The following PHF6 variants were observed in gnomAD, a reference collection of about 807,000 sequenced individuals.
PHF6 encodes PHD-like zinc finger protein.
Under a neutral mutation model 34.0 loss-of-function variants are expected in PHF6, and 7 were observed. That is an observed-to-expected ratio of 0.21 (90% CI 0.12 to 0.39). The LOEUF is 0.39. PHF6 is among the 10% of genes least tolerant of loss of function. The probability of loss-of-function intolerance (pLI) is 1.00; values close to 1 mark genes in which losing one functional copy is unlikely to be tolerated. For missense variants in PHF6, 128 were observed against 262.8 expected (o/e 0.49, Z 3.55); for synonymous variants, 89 against 88.4 (o/e 1.01, Z -0.04).
intron 3 of PHF6, among the ~76,000 whole-genome samples, 157 bp from the exon 4 acceptor site, chrX:134,393,344 G>A (rs1200923056): frequency 4.5e-5 from 5 of 111,955 alleles, no homozygotes; most frequent in Middle Eastern, 4.6e-3. Context: ...ATTTTATTCC[G>A]GTTATTCTAA....
At chrX:134,399,686 G>GACACACACAC (rs749494093) in intron 5 of PHF6, among the ~76,000 whole-genome samples, 13 of 95,532 alleles carry the variant, frequency 1.4e-4, no homozygotes, top group African/African-American at 4.9e-4. Context: ...CACACACACA[G>GACACACACAC]ACACACACAC....
chrX:134,380,959 GCCTC>G (rs1388773784), intron 3 of PHF6, among the ~76,000 whole-genome samples: 1 of 111,636 alleles, frequency 9.0e-6, no homozygotes, highest in East Asian at 2.8e-4. Context: ...CAATTCTCCT[GCCTC>G]AGCCTCCCGA....
intron 9 of PHF6, chrX:134,418,376 C>T (rs1296333295): frequency 8.9e-6 from 1 of 111,865 alleles, no homozygotes; most frequent in African/African-American, 3.3e-5. Context: ...CTGCCTTGTG[C>T]TAGGTGGTGT....
At chrX:134,404,239 C>T (rs187620517) in intron 5 of PHF6, among the ~76,000 whole-genome samples, 3 of 112,083 alleles carry the variant, frequency 2.7e-5, no homozygotes, top group East Asian at 2.8e-4. Context: ...TCGATGTTAA[C>T]GGGAATTTGG....
intron 3 of PHF6, among the ~76,000 whole-genome samples, chrX:134,385,748 C>G (rs1377949859): frequency 1.8e-5 from 2 of 110,940 alleles, no homozygotes; most frequent in Non-Finnish European, 3.8e-5. Flanking sequence ...ATTTTTTTTC[C>G]AGAGAGTAGA....
At chrX:134,378,202 T>A in intron 3 of PHF6, 96 bp downstream of exon 3, 1 of 522,356 alleles carries the variant, frequency 1.9e-6, no homozygotes, top group Non-Finnish European at 3.1e-6. Flanking sequence ...ATTAACTGAG[T>A]ATAATTTTAA....
chrX:134,403,462 G>T (rs2077411049), intron 5 of PHF6, among the ~76,000 whole-genome samples: 1 of 112,102 alleles, frequency 8.9e-6, no homozygotes, highest in Non-Finnish European at 1.9e-5. Context: ...AGCAGAGGTT[G>T]GTTCATTAGA....
rs748326153 is a variant in PHF6 at position 134,427,649 on chromosome X, C to G, written c.*1989C>G. The stretch of plus-strand genomic sequence containing the variant: ...TCTTCAGCCCTTTTTCTGCCACTAG[C>G]AACCAGAATAGCACTTTACCTTTTG... On this transcript the variant is annotated 3_prime_UTR_variant, in exon 11 of 11. Transcript: ENST00000370803. The G allele has an allele frequency of 1.2e-5, 2 of 161,102 alleles. No homozygotes were observed. Among genetic ancestry groups the G allele is most frequent in the South Asian group, 6.5e-4 (2 of 3,075 alleles). 13.3% of individuals were successfully genotyped at this position (161,102 alleles called of 1,213,427 possible).
At chrX:134,390,966 C>CT (rs60513999) in intron 3 of PHF6, among the ~76,000 whole-genome samples, 11,611 of 92,675 alleles carry the variant, frequency 0.13, 889 homozygotes, top group East Asian at 0.39. Context: ...TTCTTTTTTT[C>CT]TTTTTTTTTT....
chrX:134,409,327 G>A (rs770858701), intron 5 of PHF6, among the ~76,000 whole-genome samples: 2 of 111,393 alleles, frequency 1.8e-5, no homozygotes, highest in African/African-American at 6.5e-5. Flanking sequence ...TCATGTGCAC[G>A]TGGGTCTGTT....
chrX:134,390,545 A>G (rs1038387411), intron 3 of PHF6, among the ~76,000 whole-genome samples: 1 of 112,343 alleles, frequency 8.9e-6, no homozygotes, highest in Admixed American at 9.5e-5. Context: ...GCCAAAAACT[A>G]TTTTGGTATA....
At chrX:134,416,575 G>C (rs762103076) in intron 8 of PHF6, among the ~76,000 whole-genome samples, 1 of 111,540 alleles carries the variant, frequency 9.0e-6, no homozygotes, top group East Asian at 2.8e-4. Flanking sequence ...TGGAGAAAAG[G>C]CTGTGAGAAG....
intron 9 of PHF6, chrX:134,417,650 A>G (rs1425608329): frequency 3.8e-5 from 6 of 157,143 alleles, no homozygotes; most frequent in Non-Finnish European, 7.3e-5. Flanking sequence ...ACCTGAGGTC[A>G]GAAGTTCGAG....
At position 134,428,692 on chromosome X, in the gene PHF6, T is replaced by C. The variant is rs778709537; in HGVS notation, c.*3032T>C. 6 of 142,076 alleles carry C rather than the reference T, an allele frequency of 4.2e-5. No homozygotes were observed. The highest frequency in any genetic ancestry group is 8.5e-5 in the Non-Finnish European group (6 of 70,766). The allele number at this position is 142,076 out of a possible 1,213,427, so 11.7% of individuals were successfully genotyped here. A position where few individuals can be genotyped will look rare whatever the true frequency, so the allele number is the denominator to read the frequency against. ...TGTTATGTATATTTTGTTCCTGTTA[T>C]ATTGGCTTTATTTTCAAAATTGTAG... is the stretch of plus-strand genomic sequence containing the variant. On this transcript the variant is annotated 3_prime_UTR_variant, in exon 11 of 11. Transcript: ENST00000370803.
intron 1 of PHF6, among the ~76,000 whole-genome samples, chrX:134,373,956 A>G (rs2077268090): frequency 1.8e-5 from 2 of 109,933 alleles, no homozygotes; most frequent in Non-Finnish European, 3.8e-5. Flanking sequence ...GGGAGGGGGC[A>G]TAAAGAAAGT....
chrX:134,394,887 T>C (rs1434528063), intron 5 of PHF6, among the ~76,000 whole-genome samples: 1 of 105,018 alleles, frequency 9.5e-6, no homozygotes, highest in African/African-American at 3.5e-5. Context: ...AGACGGAATC[T>C]CGCTCTGTTG....
Position 134,413,942 on chromosome X carries a change from G to A in PHF6, c.705G>A (p.Lys235=). The change falls in exon 7 of 11, where the codon AAG becomes AAA. Residue 235 remains lysine, a synonymous_variant. Coordinates refer to ENST00000370803, the MANE Select transcript of PHF6 (RefSeq NM_001015877.2). ...AACTGCATATATTTAATGCCAAGAAGGCAGCTGCCCATTATAAGTGCATGG... is the reference window on the plus strand; with the variant it reads ...AACTGCATATATTTAATGCCAAGAAAGCAGCTGCCCATTATAAGTGCATGG... ...RGKLHIFNAK[K]AAAHYKCMLF... 1 of 1,210,401 alleles carries A rather than the reference G, an allele frequency of 8.3e-7. No individual in the cohort carries two copies.
intron 3 of PHF6, among the ~76,000 whole-genome samples, chrX:134,387,443 A>G (rs182476648): frequency 8.6e-4 from 96 of 111,263 alleles, no homozygotes; most frequent in African/African-American, 3.0e-3. Flanking sequence ...ATTTGAGCAT[A>G]GGTGTGGATG....
intron 5 of PHF6, among the ~76,000 whole-genome samples, chrX:134,410,363 G>A (rs1277633213): frequency 1.8e-5 from 2 of 111,492 alleles, no homozygotes; most frequent in East Asian, 2.8e-4. Flanking sequence ...TCTCATTGTG[G>A]TTTTTATTTT....
Sources: gnomAD v4.1 joint callset for allele counts (sites outside exome capture counted in the v4.1 genomes callset) on GRCh38, gnomAD v4.1.1 for gene constraint, MANE v1.5 for transcripts, NCBI Gene and HGNC (gene_info 2026-07-23, HGNC 2026-07-21) for gene names.